PBX3: variants seen among roughly 807,000 people sequenced by gnomAD.
PBX3 encodes the protein PBX homeobox 3, also known as pre-B-cell leukemia transcription factor 3.
In PBX3, 14 loss-of-function variants were observed where a neutral mutation model predicts 48.5. The ratio of observed to expected loss-of-function variants is 0.29; its 90% CI spans 0.19 to 0.45. The LOEUF (loss-of-function observed/expected upper bound fraction) is 0.45. PBX3 is among the 20% of genes least tolerant of loss of function. PBX3 has a pLI of 1.00. For missense variants in PBX3, 386 were observed against 546.7 expected, an observed-to-expected ratio of 0.71 and a Z score of 2.93; for synonymous variants, 210 against 200.3, an observed-to-expected ratio of 1.05 and a Z score of -0.41.
intron 8 of PBX3, among the ~76,000 whole-genome samples, chr9:125,964,053 C>T (rs1185423260): frequency 6.6e-6 from 1 of 152,068 alleles, no homozygotes; most frequent in Non-Finnish European, 1.5e-5. Context: ...TGAAATGCTT[C>T]AGAGAATGTG....
At chr9:125,778,424 AT>A (rs1837137458) in intron 2 of PBX3, among the ~76,000 whole-genome samples, 1 of 151,572 alleles carries the variant, frequency 6.6e-6, no homozygotes, top group Non-Finnish European at 1.5e-5. Context: ...TACCTGATTA[AT>A]TTTTTGTATT....
chr9:125,907,083 T>C (rs1841091449), intron 2 of PBX3, among the ~76,000 whole-genome samples: 1 of 152,022 alleles, frequency 6.6e-6, no homozygotes, highest in Admixed American at 6.6e-5. Context: ...TGTTTCATCA[T>C]CAGCACACAT....
At chr9:125,919,422 G>A (rs1449926930) in intron 3 of PBX3, among the ~76,000 whole-genome samples, 1 of 146,882 alleles carries the variant, frequency 6.8e-6, no homozygotes, top group Non-Finnish European at 1.5e-5. Flanking sequence ...TCTTGGCCAG[G>A]CTGGTCTTGA....
intron 2 of PBX3, among the ~76,000 whole-genome samples, chr9:125,861,810 C>T (rs1424282439): frequency 2.0e-5 from 3 of 152,118 alleles, no homozygotes; most frequent in African/African-American, 7.2e-5. Flanking sequence ...TTGCCAGGGA[C>T]TGAAGCAAGG....
chr9:125,873,057 C>T (rs1487500098), intron 2 of PBX3, among the ~76,000 whole-genome samples: 4 of 151,818 alleles, frequency 2.6e-5, no homozygotes, highest in Non-Finnish European at 5.9e-5. Context: ...AAAAATTAGC[C>T]AGGCGTGGTG....
At chr9:125,796,193 T>C (rs1837773947) in intron 2 of PBX3, among the ~76,000 whole-genome samples, 1 of 152,204 alleles carries the variant, frequency 6.6e-6, no homozygotes, top group Non-Finnish European at 1.5e-5. Context: ...AGGGTTAAAG[T>C]CCAGCGCCAC....
rs1238014413 is a variant in PBX3, at chr9:125,763,007, A to G, written c.274+14384A>G. On this transcript the variant is annotated intron_variant, in intron 2 of 8. Transcript: ENST00000373489. ...AGCAAATGTCAATACAATGTTGGTA[A>G]TAAGCCTCTTTAAACTGGACACAAA... 4.8e-4 allele frequency among the ~76,000 whole-genome samples: 73 copies of G among 152,206 alleles called. 1 individual carries two copies. The highest frequency in any genetic ancestry group is 4.8e-3 in the Admixed American group (73 of 15,278).
intron 2 of PBX3, among the ~76,000 whole-genome samples, chr9:125,892,220 G>C (rs1249166648): frequency 6.6e-6 from 1 of 152,044 alleles, no homozygotes; most frequent in Non-Finnish European, 1.5e-5. Flanking sequence ...ACCACTCCTG[G>C]CCTCAATCAG....
chr9:125,822,997 A>G (rs1181752218), intron 2 of PBX3, among the ~76,000 whole-genome samples: 1 of 151,420 alleles, frequency 6.6e-6, no homozygotes, highest in African/African-American at 2.4e-5. Flanking sequence ...AAAAAAAAAA[A>G]GATGTGAGTT....
chr9:125,873,178 C>A (rs1033109627), intron 2 of PBX3, among the ~76,000 whole-genome samples: 2 of 152,004 alleles, frequency 1.3e-5, no homozygotes, highest in African/African-American at 4.8e-5. Context: ...GAGCGAGACT[C>A]TGTCTCAAAA....
intron 2 of PBX3, chr9:125,797,501 C>T (rs997914865): frequency 1.3e-5 from 2 of 152,094 alleles, no homozygotes; most frequent in Admixed American, 1.3e-4. Flanking sequence ...CAAATCAACA[C>T]ACTTAACCAT....
chr9:125,760,469 C>G (rs1231209886), intron 2 of PBX3, among the ~76,000 whole-genome samples: 1 of 151,922 alleles, frequency 6.6e-6, no homozygotes, highest in Non-Finnish European at 1.5e-5. Flanking sequence ...TGGACAAATT[C>G]ATTTTGCTTG....
In PBX3 at chr9:125,967,176, C is replaced by G. The variant is rs1252868247; in HGVS notation, c.*1253C>G. On this transcript the variant is annotated 3_prime_UTR_variant, in exon 9 of 9. Transcript: ENST00000373489. ...ATATTTCACCCTGTGTAATGGGGCCCCCTCTCCTTTCTCTCTTTTTGTATT... is the reference window on the plus strand; with the variant it reads ...ATATTTCACCCTGTGTAATGGGGCCGCCTCTCCTTTCTCTCTTTTTGTATT... 6.6e-6 allele frequency: 1 copy of G among 152,130 alleles called. No homozygotes were observed. The highest frequency in any genetic ancestry group is 6.6e-5 in the Admixed American group (1 of 15,260). The allele number at this position is 152,130 out of a possible 1,614,324, so 9.4% of individuals were successfully genotyped here.
intron 2 of PBX3, among the ~76,000 whole-genome samples, chr9:125,807,394 T>C (rs143699627): frequency 2.6e-5 from 4 of 152,146 alleles, no homozygotes; most frequent in East Asian, 3.9e-4. Context: ...TAGGCGGCTA[T>C]AGAAACTGAT....
rs59714151 is a variant in PBX3 at position 125,803,091 on chromosome 9, CTTTTTTT to C, written c.274+54482_274+54488del. 5.4e-4 allele frequency among the ~76,000 whole-genome samples: 59 copies of C among 108,902 alleles called. No homozygotes were observed. The South Asian group carries it at 0.016, about 29-fold the overall frequency. 71.4% of individuals were successfully genotyped at this position (108,902 alleles called of 152,430 possible). A position where few individuals can be genotyped will look rare whatever the true frequency, so the allele number is the denominator to read the frequency against. On this transcript the variant is annotated intron_variant, in intron 2 of 8. Transcript: ENST00000373489. Reference sequence around the variant, plus strand: ...TTTCAGTGATTTTTCCCACTAATGTCTTTTTTTTTTTTTTTTTTTTGAGTCAGAGTCT... The same window carrying C: ...TTTCAGTGATTTTTCCCACTAATGTCTTTTTTTTTTTTTGAGTCAGAGTCT...
intron 2 of PBX3, among the ~76,000 whole-genome samples, chr9:125,847,470 G>GA (rs898068008): frequency 2.0e-5 from 3 of 151,850 alleles, no homozygotes; most frequent in Non-Finnish European, 1.5e-5. Context: ...CAATGATATG[G>GA]AAAAAGTCCA....
intron 2 of PBX3, among the ~76,000 whole-genome samples, chr9:125,900,953 G>C (rs983758764): frequency 5.9e-5 from 9 of 151,650 alleles, no homozygotes; most frequent in African/African-American, 2.2e-4. Flanking sequence ...CAAAATATAA[G>C]AAAACTGTTA....
intron 2 of PBX3, among the ~76,000 whole-genome samples, chr9:125,871,425 A>G (rs979667728): frequency 2.6e-5 from 4 of 152,188 alleles, no homozygotes; most frequent in African/African-American, 9.7e-5. Context: ...TTCATGAATA[A>G]TAAAATGGAC....
At chr9:125,836,695 TA>T (rs1839147022) in intron 2 of PBX3, among the ~76,000 whole-genome samples, 2 of 152,334 alleles carry the variant, frequency 1.3e-5, no homozygotes, top group African/African-American at 4.8e-5. Flanking sequence ...GATAAATGTT[TA>T]AGATGATGGA....
Sources: allele counts gnomAD v4.1 joint callset (sites outside exome capture counted in the v4.1 genomes callset), GRCh38; gene constraint gnomAD v4.1.1; transcripts MANE v1.5; gene names NCBI Gene and HGNC (gene_info 2026-07-23, HGNC 2026-07-21).